The following RSL1D1 variants were observed in gnomAD, a reference collection of about 807,000 sequenced individuals.
The protein encoded by RSL1D1 is ribosomal L1 domain containing 1.
In RSL1D1, 34 loss-of-function variants were observed where a neutral mutation model predicts 44.6. That is an observed-to-expected ratio of 0.76 (90% CI 0.58 to 1.02). The LOEUF is 1.02. Ranked by LOEUF, RSL1D1 falls within the 50% of genes least tolerant of loss-of-function variation. The probability of loss-of-function intolerance (pLI) is 0.00; values close to 1 mark genes in which losing one functional copy is unlikely to be tolerated. For missense variants in RSL1D1, 767 were observed against 568.1 expected, an observed-to-expected ratio of 1.35 and a Z score of -3.56; for synonymous variants, 271 against 207.4, an observed-to-expected ratio of 1.31 and a Z score of -2.63.
At chr16:11,843,827 A>G (rs1182949396) in intron 5 of RSL1D1, among the ~76,000 whole-genome samples, 1 of 134,540 alleles carries the variant, frequency 7.4e-6, no homozygotes, top group Non-Finnish European at 1.5e-5. Context: ...GCTGAGATCA[A>G]GCCACTGCAC....
intron 5 of RSL1D1, among the ~76,000 whole-genome samples, chr16:11,845,247 G>A (rs1448805456): frequency 6.6e-6 from 1 of 152,132 alleles, no homozygotes; most frequent in African/African-American, 2.4e-5. Context: ...TTGTCTAGGG[G>A]TTCAAGTCTA....
chr16:11,841,691 T>C lies in RSL1D1; in HGVS notation c.855+4A>G. The C allele has an allele frequency of 6.2e-7, 1 of 1,609,252 alleles. No individual in the cohort carries two copies. Among genetic ancestry groups the C allele is most frequent in the Non-Finnish European group, 8.5e-7 (1 of 1,178,110 alleles). Reference sequence around the variant, plus strand: ...ATTCTGTAAGTATTTAAAATTCTACTAACTTTTTTCTTCTTATTAAGCAAA... The same window carrying C: ...ATTCTGTAAGTATTTAAAATTCTACCAACTTTTTTCTTCTTATTAAGCAAA... On this transcript the variant is annotated splice_donor_region_variant and intron_variant, in intron 7 of 8. Transcript: ENST00000571133.
intron 8 of RSL1D1, among the ~76,000 whole-genome samples, chr16:11,839,381 CA>C (rs35893843): frequency 0.64 from 74,440 of 116,608 alleles, 21,270 homozygotes; most frequent in Admixed American, 0.73. Flanking sequence ...AAAAGCAAAG[CA>C]AAAAAAAAAA....
At chr16:11,841,658 C>T (rs1464913635) in intron 7 of RSL1D1, 37 bp downstream of exon 7, 1 of 1,577,862 alleles carries the variant, frequency 6.3e-7, no homozygotes, top group African/African-American at 1.4e-5. Flanking sequence ...TTACACCCTT[C>T]ATTATTCATT....
chr16:11,846,004 A>G (rs1469274009), intron 5 of RSL1D1, among the ~76,000 whole-genome samples: 1 of 149,308 alleles, frequency 6.7e-6, no homozygotes, highest in Non-Finnish European at 1.5e-5. Context: ...AAGTGCTGGG[A>G]TTACAGGCAT....
intron 5 of RSL1D1, among the ~76,000 whole-genome samples, chr16:11,846,252 G>A (rs1319853709): frequency 1.3e-5 from 2 of 151,008 alleles, no homozygotes; most frequent in Non-Finnish European, 3.0e-5. Flanking sequence ...GAAATTAGCC[G>A]GGCGTGGTGG....
At chr16:11,842,548 G>A (rs2053770198) in intron 5 of RSL1D1, among the ~76,000 whole-genome samples, 1 of 151,886 alleles carries the variant, frequency 6.6e-6, no homozygotes, top group Admixed American at 6.6e-5. Flanking sequence ...TTTTTGTAGA[G>A]ATGGGTTCTC....
chr16:11,845,927 C>T (rs1012091938), intron 5 of RSL1D1, among the ~76,000 whole-genome samples: 1 of 151,582 alleles, frequency 6.6e-6, no homozygotes, highest in African/African-American at 2.4e-5. Context: ...GGGAGAGGGT[C>T]TCATTATGTT....
In RSL1D1 at chr16:11,839,899, T is replaced by C. The variant is rs981211068; in HGVS notation, c.942A>G (p.Ser314=). ...GTGCCACATCATCTTTACTAAGAAC[T>C]GATGCAGTCTTCCTAGCCTGCTGCC... The part of the protein sequence containing the change: ...KKRQQARKTA[S]VLSKDDVAPE... The change falls in exon 8 of 9, where the codon TCA becomes TCG. Residue 314 remains serine, a synonymous_variant. Transcript: ENST00000571133. The C allele has an allele frequency of 6.8e-6, 11 of 1,614,084 alleles. No individual in the cohort carries two copies. The highest frequency in any genetic ancestry group is 8.5e-6 in the Non-Finnish European group (10 of 1,180,042).
intron 2 of RSL1D1, among the ~76,000 whole-genome samples, chr16:11,848,789 A>G (rs75374273): frequency 0.037 from 5,448 of 147,412 alleles, 341 homozygotes; most frequent in African/African-American, 0.13. Flanking sequence ...CACCACACTC[A>G]GCCAACATAA....
rs1014655808 is a variant in RSL1D1, at chr16:11,850,286, C to A, written c.238G>T (p.Val80Phe). The A allele has an allele frequency of 6.4e-7, 1 of 1,574,442 alleles. No individual in the cohort carries two copies. The highest frequency in any genetic ancestry group is 2.3e-5 in the East Asian group (1 of 43,360). Residue 80 changes from valine (V) to phenylalanine (F), a missense_variant, in exon 2 of 9, where the codon GTC becomes TTC. By Grantham distance (50) the Val-to-Phe change is conservative. Transcript: ENST00000571133. ...TAGAAAATCACAACTTACAATCTGACCCTCAGTTCTTTACTTGGAATTTTC... is the reference window on the plus strand; with the variant it reads ...TAGAAAATCACAACTTACAATCTGAACCTCAGTTCTTTACTTGGAATTTTC... ...LWKIPSKELR[V>F]RLTLPHSIRS... is the part of the protein sequence containing the mutation.
intron 5 of RSL1D1, 94 bp downstream of exon 5, chr16:11,846,402 AAAAAC>A (rs2053798714): frequency 3.6e-5 from 26 of 722,924 alleles, no homozygotes; most frequent in African/African-American, 5.6e-5. Flanking sequence ...CTCAAAAAAA[AAAAAC>A]AAAAACAAAA....
chr16:11,840,696 G>C (rs990206249), intron 7 of RSL1D1, among the ~76,000 whole-genome samples: 1 of 152,168 alleles, frequency 6.6e-6, no homozygotes, highest in Non-Finnish European at 1.5e-5. Context: ...GCTAGAGTAC[G>C]AGTAATACTG....
chr16:11,837,917 T>C lies in RSL1D1; in HGVS notation c.1343A>G (p.Lys448Arg), dbSNP rs1218196331. ...TTTTGGAGTCTGTCTCGCATCTTTT[T>C]TCCCCAGCGAAGGACTTTTTTCCTT... The part of the protein sequence containing the change: ...AVKEKSPSLG[K>R]KDARQTPKKP... The change falls in exon 9 of 9, where the codon AAA (lysine) becomes AGA (arginine). Residue 448 changes from lysine to arginine, a missense_variant. Physicochemically the swap from Lys to Arg is conservative, Grantham distance 26. Coordinates refer to ENST00000571133, the MANE Select transcript of RSL1D1 (RefSeq NM_015659.3). The C allele has an allele frequency of 1.9e-6, 3 of 1,613,970 alleles. No homozygotes were observed. The highest frequency in any genetic ancestry group is 2.5e-6 in the Non-Finnish European group (3 of 1,180,032).
At chr16:11,843,019 T>TTCTCCTGCCTC (rs2053773456) in intron 5 of RSL1D1, among the ~76,000 whole-genome samples, 1 of 151,420 alleles carries the variant, frequency 6.6e-6, no homozygotes, top group Admixed American at 6.6e-5. Flanking sequence ...CCTCCTGGGT[T>TTCTCCTGCCTC]CAAGCGATTC....
chr16:11,841,505 A>C, intron 7 of RSL1D1, 190 bp downstream of exon 7: 1 of 541,384 alleles, frequency 1.8e-6, no homozygotes, highest in Non-Finnish European at 3.3e-6. Flanking sequence ...GCGCATTACT[A>C]ACATCAACTA....
At chr16:11,839,544 A>AT in intron 8 of RSL1D1, 151 bp downstream of exon 8, 16 of 1,073,870 alleles carry the variant, frequency 1.5e-5, no homozygotes, top group Non-Finnish European at 2.0e-5. Flanking sequence ...AAAAAAAAAA[A>AT]AAGGTACAAT....
rs767837624 is a variant in RSL1D1, at chr16:11,837,082, T to G, written c.*705A>C. On this transcript the variant is annotated 3_prime_UTR_variant, in exon 9 of 9. Coordinates refer to ENST00000571133, the MANE Select transcript of RSL1D1 (RefSeq NM_015659.3). ...TCAACCTCTTGCGCTCACTTGATCC[T>G]TCCACCTCAGCCTCGTGAGGAGCTG... The G allele has an allele frequency of 2.0e-5, 3 of 152,210 alleles. No individual in the cohort carries two copies. The highest frequency in any genetic ancestry group is 4.8e-5 in the African/African-American group (2 of 41,436). 9.4% of individuals were successfully genotyped at this position (152,210 alleles called of 1,614,324 possible).
chr16:11,845,032 T>G (rs545302139), intron 5 of RSL1D1, among the ~76,000 whole-genome samples: 1 of 152,224 alleles, frequency 6.6e-6, no homozygotes, highest in South Asian at 2.1e-4. Context: ...AGGGTAAGGT[T>G]AAACCAATAT....
Sources: gnomAD v4.1 joint callset for allele counts (sites outside exome capture counted in the v4.1 genomes callset) on GRCh38, gnomAD v4.1.1 for gene constraint, MANE v1.5 for transcripts, NCBI Gene and HGNC (gene_info 2026-07-23, HGNC 2026-07-21) for gene names.